Variants in MROH2B observed in about 807,000 individuals in gnomAD.
The protein encoded by MROH2B is maestro heat-like repeat-containing protein family member 2B.
Under a neutral mutation model 208.6 loss-of-function variants are expected in MROH2B, and 177 were observed. The observed-to-expected ratio is 0.85, with a 90% confidence interval of 0.75 to 0.96. MROH2B has a LOEUF of 0.96. MROH2B is among the 40% of genes least tolerant of loss of function. The probability of loss-of-function intolerance (pLI) is 0.00; values close to 1 mark genes in which losing one functional copy is unlikely to be tolerated. For missense variants in MROH2B, 2,002 were observed against 1,878.7 expected (o/e 1.07, Z -1.21); for synonymous variants, 728 against 659.0 (o/e 1.10, Z -1.60).
chr5:41,008,695 T>A lies in MROH2B; in HGVS notation c.3519A>T (p.Thr1173=), dbSNP rs1741673189. 1 of 1,613,748 alleles carries A rather than the reference T, an allele frequency of 6.2e-7. No homozygotes were observed. Among genetic ancestry groups the A allele is most frequent in the African/African-American group, 1.3e-5 (1 of 74,878 alleles). Residue 1173 remains threonine, a synonymous_variant, in exon 33 of 42, where the codon ACA becomes ACT. Transcript: ENST00000399564. ...FTLLLKLVSC[T]LGQKMLTCPW... ...GACAAGTGAGCATCTTCTGGCCCAG[T>A]GTGCAGCTAACCAGCTTCAGGAGGA...
chr5:41,048,485 G>A lies in MROH2B; in HGVS notation c.1543-20C>T, dbSNP rs1743191997. ...TATTACCTGAAGGATAGAAGAGAAG[G>A]AGCTCATCAATTTCAGGGGCGTTTA... On this transcript the variant is annotated intron_variant, in intron 15 of 41. Transcript: ENST00000399564. 2 of 1,580,734 alleles carry A rather than the reference G, an allele frequency of 1.3e-6. No individual in the cohort carries two copies. The highest frequency in any genetic ancestry group is 1.4e-5 in the African/African-American group (1 of 73,270).
intron 37 of MROH2B, among the ~76,000 whole-genome samples, chr5:41,004,044 C>A (rs531106446): frequency 2.0e-5 from 3 of 152,140 alleles, no homozygotes; most frequent in Non-Finnish European, 2.9e-5. Flanking sequence ...GTGAGGAAAC[C>A]GGGAAATTTA....
intron 18 of MROH2B, among the ~76,000 whole-genome samples, chr5:41,045,235 T>A (rs1353636305): frequency 6.6e-6 from 1 of 152,248 alleles, no homozygotes; most frequent in Non-Finnish European, 1.5e-5. Context: ...GGTCCTTTAA[T>A]CATTGTTATC....
chr5:41,034,207 G>A (rs559464580), intron 21 of MROH2B: 1 of 316,450 alleles, frequency 3.2e-6, no homozygotes, highest in East Asian at 1.7e-4. Flanking sequence ...AGGGAAATGA[G>A]AAGCGAAAAA....
intron 28 of MROH2B, among the ~76,000 whole-genome samples, chr5:41,017,586 A>C (rs1314748169): frequency 6.6e-6 from 1 of 152,172 alleles, no homozygotes; most frequent in Non-Finnish European, 1.5e-5. Context: ...CCGGTTTCAG[A>C]TCTAGGAGAC....
At position 41,065,313 on chromosome 5, in the gene MROH2B, A is replaced by T. The variant is rs1303802222; in HGVS notation, c.361+18T>A. The T allele has an allele frequency of 1.3e-6, 2 of 1,592,902 alleles. No individual in the cohort carries two copies. The highest frequency in any genetic ancestry group is 1.7e-6 in the Non-Finnish European group (2 of 1,170,812). ...GTTGTCATTTCCCAGGGAAAATTGG[A>T]GAATATTCCCGCTATACCATAGCTG... On this transcript the variant is annotated intron_variant, in intron 4 of 41. Transcript: ENST00000399564.
In MROH2B at chr5:41,005,623, C is replaced by T. The variant is rs1349794342; in HGVS notation, c.3772G>A (p.Gly1258Arg). ...LARSMAVWQH[G>R]VILDIMEQLL... ...TGTTCCATGATGTCCAGTATGACTC[C>T]GTGTTGCCACACTGCCATGCTCCTA... The change falls in exon 35 of 42, where the codon GGA (glycine) becomes AGA (arginine). Residue 1258 changes from glycine (G) to arginine (R), a missense_variant. By Grantham distance (125) the Gly-to-Arg change is moderately radical. Coordinates refer to ENST00000399564, the MANE Select transcript of MROH2B (RefSeq NM_173489.5). The T allele has an allele frequency of 3.7e-6, 6 of 1,611,502 alleles. 1 individual carries two copies. The highest frequency in any genetic ancestry group is 3.3e-4 in the Middle Eastern group (2 of 6,082).
At position 41,005,488 on chromosome 5, in the gene MROH2B, A is replaced by G. The variant is rs748832459; in HGVS notation, c.3864+43T>C. On this transcript the variant is annotated intron_variant, in intron 35 of 41. Transcript: ENST00000399564. ...CTCCAGACCATAAGAGAAATACCCTATGGGGACCCAGTGAGTGTGCTCTGA... is the reference window on the plus strand; with the variant it reads ...CTCCAGACCATAAGAGAAATACCCTGTGGGGACCCAGTGAGTGTGCTCTGA... 3.8e-6 allele frequency: 5 copies of G among 1,326,050 alleles called. No individual in the cohort carries two copies. The East Asian group carries it at 1.0e-4, about 28-fold the overall frequency. 82.1% of individuals were successfully genotyped at this position (1,326,050 alleles called of 1,614,324 possible).
Position 41,018,881 on chromosome 5 carries a change from A to G in MROH2B, c.2577+2T>C. 1 of 1,613,904 alleles carries G rather than the reference A, an allele frequency of 6.2e-7. No homozygotes were observed. The highest frequency in any genetic ancestry group is 8.5e-7 in the Non-Finnish European group (1 of 1,179,866). On this transcript the variant is annotated splice_donor_variant, in intron 25 of 41. Transcript: ENST00000399564. LOFTEE classifies it high-confidence loss of function. ...TCCTACTTAGGCCTCACTAGTGCAT[A>G]CTTGAATGTGCTCCTTGTCCTTGTC...
At chr5:41,018,136 G>C (rs940482767) in intron 27 of MROH2B, among the ~76,000 whole-genome samples, 166 bp from the exon 28 acceptor site, 1 of 152,178 alleles carries the variant, frequency 6.6e-6, no homozygotes. Flanking sequence ...GGGCAGTGGA[G>C]AAGTAAGCAT....
At chr5:41,012,823 G>T in intron 29 of MROH2B, 88 bp from the exon 30 acceptor site, 1 of 1,516,038 alleles carries the variant, frequency 6.6e-7, no homozygotes, top group Non-Finnish European at 8.9e-7. Flanking sequence ...TTTGTTTTGG[G>T]TATTAGAAAC....
intron 24 of MROH2B, among the ~76,000 whole-genome samples, chr5:41,031,676 A>G (rs947021634): frequency 3.3e-5 from 5 of 152,076 alleles, no homozygotes; most frequent in Non-Finnish European, 4.4e-5. Flanking sequence ...TTTGGTGTAC[A>G]GATTATCTAA....
At chr5:40,999,189 G>C (rs1245930685) in intron 40 of MROH2B, among the ~76,000 whole-genome samples, 1 of 152,198 alleles carries the variant, frequency 6.6e-6, no homozygotes, top group Non-Finnish European at 1.5e-5. Flanking sequence ...ATCAGACAGA[G>C]AGGTAACATA....
At chr5:41,015,282 C>T in intron 29 of MROH2B, 99 bp downstream of exon 29, 2 of 1,068,300 alleles carry the variant, frequency 1.9e-6, no homozygotes, top group Non-Finnish European at 2.7e-6. Flanking sequence ...CCTCATTCAG[C>T]TTGAATATCT....
chr5:41,009,285 T>C lies in MROH2B; in HGVS notation c.3415A>G (p.Ile1139Val), dbSNP rs1389575805. Residue 1139 changes from isoleucine (I) to valine (V), a missense_variant, in exon 32 of 42, where the codon ATT becomes GTT. Transcript: ENST00000399564. ...GTTCAGGCTGTCCAACTCACTGAAA[T>C]TGCCTCAACCCTGGCGATGTCATCT... ...LEDDIARVEA[I>V]SVACAMYEVI... 2 of 1,613,716 alleles carry C rather than the reference T, an allele frequency of 1.2e-6. No homozygotes were observed. The highest frequency in any genetic ancestry group is 1.3e-5 in the African/African-American group (1 of 74,920).
intron 15 of MROH2B, 99 bp from the exon 16 acceptor site, chr5:41,048,564 G>T: frequency 1.6e-6 from 2 of 1,274,308 alleles, no homozygotes; most frequent in South Asian, 1.8e-5. Context: ...TTTGATTTCT[G>T]CATTGGATAA....
chr5:41,056,470 T>C (rs1467171536), intron 9 of MROH2B, among the ~76,000 whole-genome samples: 1 of 151,402 alleles, frequency 6.6e-6, no homozygotes, highest in Non-Finnish European at 1.5e-5. Flanking sequence ...GTAGAAGTGA[T>C]GTAGTATTTG....
intron 33 of MROH2B, 128 bp downstream of exon 33, chr5:41,008,478 G>T (rs1741664058): frequency 9.4e-7 from 1 of 1,063,184 alleles, no homozygotes; most frequent in African/African-American, 1.6e-5. Context: ...GTAGAGCCTT[G>T]TAGAGCCTTG....
In MROH2B at chr5:40,998,675, C is replaced by A; in HGVS notation, c.4588G>T (p.Ala1530Ser). 1 of 1,580,016 alleles carries A rather than the reference C, an allele frequency of 6.3e-7. No individual in the cohort carries two copies. Among genetic ancestry groups the A allele is most frequent in the Non-Finnish European group, 8.6e-7 (1 of 1,161,730 alleles). The change falls in exon 41 of 42, where the codon GCC becomes TCC. Residue 1530 changes from alanine (A) to serine (S), a missense_variant and splice_region_variant. Transcript: ENST00000399564. Reference protein sequence around the residue: ...IRSAAVKLTDAVVLNLTSQYV... With the variant: ...IRSAAVKLTDSVVLNLTSQYV... ...TGGCTGGTCAAATTGAGAACAACGG[C>A]ATCTAAAGTTAATAGGAGACCATGT...
Sources: gnomAD v4.1 joint callset for allele counts (sites outside exome capture counted in the v4.1 genomes callset) on GRCh38, gnomAD v4.1.1 for gene constraint, MANE v1.5 for transcripts, NCBI Gene and HGNC (gene_info 2026-07-23, HGNC 2026-07-21) for gene names.